The following PTPRC variants were observed in gnomAD, a reference collection of about 807,000 sequenced individuals.
PTPRC encodes protein tyrosine phosphatase receptor type C, also known as receptor-type tyrosine-protein phosphatase C.
In PTPRC, 44 loss-of-function variants were observed where a neutral mutation model predicts 155.9. The ratio of observed to expected loss-of-function variants is 0.28; its 90% confidence interval spans 0.22 to 0.36. The LOEUF is 0.36. PTPRC is among the 10% of genes least tolerant of loss of function. PTPRC has a pLI of 1.00. For missense variants in PTPRC, 1,401 were observed against 1,564.6 expected, an observed-to-expected ratio of 0.90 and a Z score of 1.76; for synonymous variants, 525 against 533.1, an observed-to-expected ratio of 0.98 and a Z score of 0.21.
At chr1:198,645,974 T>C (rs1662917030) in intron 2 of PTPRC, among the ~76,000 whole-genome samples, 1 of 151,770 alleles carries the variant, frequency 6.6e-6, no homozygotes, top group Non-Finnish European at 1.5e-5. Flanking sequence ...CTTACCTTTG[T>C]CCATTCCTCT....
chr1:198,646,772 T>C (rs1197437741), intron 2 of PTPRC, among the ~76,000 whole-genome samples: 1 of 151,900 alleles, frequency 6.6e-6, no homozygotes, highest in Non-Finnish European at 1.5e-5. Context: ...ATTCCTCTTA[T>C]TAGCTTTCAC....
chr1:198,711,880 T>A (rs569959702), intron 11 of PTPRC, among the ~76,000 whole-genome samples: 2 of 152,344 alleles, frequency 1.3e-5, no homozygotes, highest in South Asian at 4.1e-4. Flanking sequence ...TCAGCATCAT[T>A]AGTTAACTGA....
intron 31 of PTPRC, 36 bp downstream of exon 31, chr1:198,752,808 A>G: frequency 6.3e-7 from 1 of 1,594,492 alleles, no homozygotes; most frequent in Non-Finnish European, 8.6e-7. Flanking sequence ...TCTCAAAATC[A>G]TAATGCTTGA....
Position 198,753,249 on chromosome 1 carries a change from A to G in PTPRC, c.3509+477A>G, listed in dbSNP as rs115062511. Among the ~76,000 whole-genome samples the G allele has an allele frequency of 6.2e-3, 947 of 152,144 alleles. 10 individuals carry two copies. The highest frequency in any genetic ancestry group is 0.021 in the African/African-American group (891 of 41,556). ...GAAATCACAAAGCTTAGCAATTTTG[A>G]TTTGAAACTCATTATTTAATTTTCT... On this transcript the variant is annotated intron_variant, in intron 31 of 32. Transcript: ENST00000442510.
At chr1:198,705,101 T>C (rs1652868735) in intron 8 of PTPRC, among the ~76,000 whole-genome samples, 1 of 152,156 alleles carries the variant, frequency 6.6e-6, no homozygotes, top group African/African-American at 2.4e-5. Flanking sequence ...AAGCAGATAC[T>C]TGAAAACAGT....
At position 198,708,305 on chromosome 1, in the gene PTPRC, A is replaced by G. The variant is rs184640668; in HGVS notation, c.1033+44A>G. ...CCAGAGAATTTTTTTTTGTGGCACA[A>G]TGTTGTTCTAGATATTATTTAATCT... On this transcript the variant is annotated intron_variant, in intron 10 of 32. Transcript: ENST00000442510. 1.4e-5 allele frequency: 21 copies of G among 1,553,678 alleles called. No homozygotes were observed. In the Middle Eastern group the frequency reaches 6.7e-4, roughly 49 times the overall value.
Position 198,699,633 on chromosome 1 carries a change from A to T in PTPRC, c.368A>T (p.Asp123Val). Reference protein sequence around the residue: ...ADSQTPSAGTDTQTFSGSAAN... With the variant: ...ADSQTPSAGTVTQTFSGSAAN... ...TCGCAGACGCCCTCTGCTGGAACTG[A>T]CACGCAGACATTCAGCGGCTCCGCC... is the stretch of plus-strand genomic sequence containing the variant. The change falls in exon 5 of 33, where the codon GAC becomes GTC. Residue 123 changes from aspartate (D) to valine (V), a missense_variant. By Grantham distance (152) the Asp-to-Val change is radical (BLOSUM62 -3). Coordinates refer to ENST00000442510, the MANE Select transcript of PTPRC (RefSeq NM_002838.5). 6.2e-7 allele frequency: 1 copy of T among 1,614,214 alleles called. No individual in the cohort carries two copies. The highest frequency in any genetic ancestry group is 8.5e-7 in the Non-Finnish European group (1 of 1,180,040).
At chr1:198,687,102 A>G (rs1183075442) in intron 2 of PTPRC, among the ~76,000 whole-genome samples, 1 of 152,150 alleles carries the variant, frequency 6.6e-6, no homozygotes, top group African/African-American at 2.4e-5. Context: ...ACACACACTC[A>G]TGGGCGTAGC....
intron 20 of PTPRC, among the ~76,000 whole-genome samples, chr1:198,732,884 C>T (rs576805062): frequency 2.2e-4 from 34 of 151,808 alleles, no homozygotes; most frequent in Admixed American, 5.9e-4. Flanking sequence ...AGCCATGTGC[C>T]GTATAGGTGA....
intron 2 of PTPRC, among the ~76,000 whole-genome samples, chr1:198,649,710 C>G (rs1268363316): frequency 2.0e-5 from 3 of 151,782 alleles, no homozygotes; most frequent in Non-Finnish European, 4.4e-5. Flanking sequence ...ATGATTCACT[C>G]ATCGATTCAT....
chr1:198,687,349 A>C (rs1027851491), intron 2 of PTPRC, among the ~76,000 whole-genome samples: 1 of 152,084 alleles, frequency 6.6e-6, no homozygotes, highest in African/African-American at 2.4e-5. Context: ...GCTTCTATCT[A>C]TGATTTTGGT....
At chr1:198,658,966 T>A (rs1463164605) in intron 2 of PTPRC, among the ~76,000 whole-genome samples, 1 of 152,174 alleles carries the variant, frequency 6.6e-6, no homozygotes, top group South Asian at 2.1e-4. Context: ...GCAGGAAGTA[T>A]CTGCATTTCT....
intron 12 of PTPRC, among the ~76,000 whole-genome samples, chr1:198,716,144 C>T (rs1653575343): frequency 6.6e-6 from 1 of 152,100 alleles, no homozygotes; most frequent in Non-Finnish European, 1.5e-5. Context: ...ATTCCACTTC[C>T]GGCATGAAAC....
chr1:198,725,544 G>A (rs1201688625), intron 15 of PTPRC, among the ~76,000 whole-genome samples: 1 of 152,172 alleles, frequency 6.6e-6, no homozygotes, highest in Non-Finnish European at 1.5e-5. Context: ...GAAGATAGGT[G>A]TCCAACTATT....
At chr1:198,691,817 C>G (rs1464276000) in intron 2 of PTPRC, among the ~76,000 whole-genome samples, 1 of 152,052 alleles carries the variant, frequency 6.6e-6, no homozygotes, top group Non-Finnish European at 1.5e-5. Flanking sequence ...ATAAGATGAT[C>G]CTGTTATGTT....
chr1:198,705,081 G>T (rs970187585), intron 8 of PTPRC, among the ~76,000 whole-genome samples: 2 of 151,850 alleles, frequency 1.3e-5, no homozygotes, highest in Non-Finnish European at 2.9e-5. Flanking sequence ...GCTTGTTAGG[G>T]GCTGGCTCAA....
chr1:198,678,752 CTTTTTT>C (rs201060607), intron 2 of PTPRC, among the ~76,000 whole-genome samples: 10 of 146,172 alleles, frequency 6.8e-5, no homozygotes, highest in African/African-American at 2.0e-4. Flanking sequence ...TTTTCTTTTT[CTTTTTT>C]TTTTTGTAAC....
At chr1:198,698,443 A>G (rs553128026) in intron 4 of PTPRC, among the ~76,000 whole-genome samples, 23 of 152,208 alleles carry the variant, frequency 1.5e-4, no homozygotes, top group African/African-American at 5.1e-4. Flanking sequence ...GAGTTATTTA[A>G]TTTATGATTA....
chr1:198,710,463 A>G (rs1490059852), intron 11 of PTPRC, among the ~76,000 whole-genome samples: 1 of 152,216 alleles, frequency 6.6e-6, no homozygotes, highest in Non-Finnish European at 1.5e-5. Context: ...TTCAATTTTT[A>G]TAAAGAAGCC....
Sources: allele counts gnomAD v4.1 joint callset (sites outside exome capture counted in the v4.1 genomes callset), GRCh38; gene constraint gnomAD v4.1.1; transcripts MANE v1.5; gene names NCBI Gene and HGNC (gene_info 2026-07-23, HGNC 2026-07-21).